Variants in NKAIN2 observed in about 807,000 individuals in gnomAD.
NKAIN2 encodes the protein sodium/potassium transporting ATPase interacting 2, also known as sodium/potassium-transporting ATPase subunit beta-1-interacting protein 2.
Under a neutral mutation model 32.6 loss-of-function variants are expected in NKAIN2, and 14 were observed. That is an observed-to-expected ratio of 0.43 (90% confidence interval 0.28 to 0.67). The LOEUF is 0.67. Ranked by LOEUF, NKAIN2 falls within the 30% of genes least tolerant of loss-of-function variation. The pLI is 0.17. For missense variants in NKAIN2, 198 were observed against 258.3 expected, an observed-to-expected ratio of 0.77 and a Z score of 1.60; for synonymous variants, 80 against 87.2, an observed-to-expected ratio of 0.92 and a Z score of 0.46.
At chr6:123,853,834 G>A (rs1371057048) in intron 1 of NKAIN2, among the ~76,000 whole-genome samples, 1 of 150,954 alleles carries the variant, frequency 6.6e-6, no homozygotes, top group Non-Finnish European at 1.5e-5. Context: ...GTGCAGTGGC[G>A]CTATCTCAGC....
rs1490292657 is a variant in NKAIN2, at chr6:124,708,766, C to T, written c.474+50380C>T. ...GAGACAATGGGGTTTTCTAGATATA[C>T]AATCATGTCGTCTGCAAACAGGGAC... On this transcript the variant is annotated intron_variant, in intron 4 of 6. Coordinates refer to ENST00000368417, the MANE Select transcript of NKAIN2 (RefSeq NM_001040214.3). Among the ~76,000 whole-genome samples, 6 of 151,698 alleles carry T rather than the reference C, an allele frequency of 4.0e-5. 1 individual carries two copies. The highest frequency in any genetic ancestry group is 5.9e-5 in the Non-Finnish European group (4 of 67,980).
chr6:124,628,186 C>T (rs770787690), intron 3 of NKAIN2, among the ~76,000 whole-genome samples: 5 of 152,076 alleles, frequency 3.3e-5, no homozygotes, highest in South Asian at 4.1e-4. Context: ...TAAATCTTTC[C>T]GTTCCTTTAG....
intron 3 of NKAIN2, among the ~76,000 whole-genome samples, chr6:124,513,142 C>T (rs929701992): frequency 1.3e-5 from 2 of 152,062 alleles, no homozygotes; most frequent in African/African-American, 2.4e-5. Flanking sequence ...TCATCAACAA[C>T]CAAAATATTA....
At chr6:124,787,402 C>G (rs1454391825) in intron 4 of NKAIN2, among the ~76,000 whole-genome samples, 1 of 152,052 alleles carries the variant, frequency 6.6e-6, no homozygotes, top group Non-Finnish European at 1.5e-5. Flanking sequence ...TCCAGCTTAG[C>G]AACTCAGGAC....
At chr6:123,869,211 G>T (rs1772738203) in intron 1 of NKAIN2, among the ~76,000 whole-genome samples, 1 of 152,114 alleles carries the variant, frequency 6.6e-6, no homozygotes, top group South Asian at 2.1e-4. Flanking sequence ...CCATAAAATA[G>T]GCCCACACTT....
chr6:123,910,499 G>GTTTTT lies in NKAIN2; in HGVS notation c.54+106264_54+106268dup, dbSNP rs35165515. ...TTTGAGGACATTACCTGCAATGCAT[G>GTTTTT]TTTTTTTTTTTTTTTTTTTTTTTGA... On this transcript the variant is annotated intron_variant, in intron 1 of 6. Transcript: ENST00000368417. 3.7e-3 allele frequency among the ~76,000 whole-genome samples: 299 copies of GTTTTT among 81,296 alleles called. 16 individuals are homozygous for GTTTTT. The highest frequency in any genetic ancestry group is 0.01 in the African/African-American group (206 of 19,918). 53.3% of individuals were successfully genotyped at this position (81,296 alleles called of 152,430 possible).
intron 6 of NKAIN2, 97 bp downstream of exon 6, chr6:124,818,565 G>C: frequency 1.9e-6 from 1 of 521,860 alleles, no homozygotes; most frequent in Non-Finnish European, 3.5e-6. Flanking sequence ...CTTTTGTTCA[G>C]TTATATTTTT....
chr6:123,945,914 C>G (rs954028109), intron 1 of NKAIN2, among the ~76,000 whole-genome samples: 2 of 152,138 alleles, frequency 1.3e-5, no homozygotes, highest in African/African-American at 2.4e-5. Flanking sequence ...CAATTTCACC[C>G]TTAAATTATT....
chr6:124,296,171 C>G (rs1380366109), intron 2 of NKAIN2, among the ~76,000 whole-genome samples: 3 of 152,088 alleles, frequency 2.0e-5, no homozygotes, highest in African/African-American at 7.2e-5. Context: ...ACTCAGCTTT[C>G]ACTTCTCCTT....
chr6:124,198,701 G>T (rs1402852626), intron 1 of NKAIN2, among the ~76,000 whole-genome samples: 1 of 151,926 alleles, frequency 6.6e-6, no homozygotes, highest in Non-Finnish European at 1.5e-5. Context: ...AGTATTTTGT[G>T]TGTGTTCCCC....
intron 3 of NKAIN2, among the ~76,000 whole-genome samples, chr6:124,509,230 TTTATC>T (rs1467909280): frequency 6.6e-6 from 1 of 152,106 alleles, no homozygotes; most frequent in Non-Finnish European, 1.5e-5. Context: ...TTGAGACAAT[TTTATC>T]TGATGATTAA....
At chr6:124,425,056 G>T (rs1774923875) in intron 3 of NKAIN2, among the ~76,000 whole-genome samples, 1 of 151,950 alleles carries the variant, frequency 6.6e-6, no homozygotes, top group Non-Finnish European at 1.5e-5. Context: ...TACATATATG[G>T]CCAGCTAATT....
chr6:124,505,455 C>T (rs1778439716), intron 3 of NKAIN2, among the ~76,000 whole-genome samples: 4 of 152,286 alleles, frequency 2.6e-5, no homozygotes, highest in Middle Eastern at 3.4e-3. Flanking sequence ...CCTCTTCCAT[C>T]AAATTTCCAT....
chr6:124,659,414 T>C (rs1221463352), intron 4 of NKAIN2, among the ~76,000 whole-genome samples: 2 of 151,442 alleles, frequency 1.3e-5, no homozygotes, highest in African/African-American at 4.8e-5. Flanking sequence ...TCTTCTGGAA[T>C]TAAAAAAAAA....
chr6:124,762,784 G>T (rs1429564815), intron 4 of NKAIN2, among the ~76,000 whole-genome samples: 3 of 152,164 alleles, frequency 2.0e-5, no homozygotes, highest in Non-Finnish European at 4.4e-5. Context: ...GAATTGATCT[G>T]GCTGGAATGT....
intron 1 of NKAIN2, among the ~76,000 whole-genome samples, chr6:124,230,990 G>A (rs1228505728): frequency 6.6e-6 from 1 of 152,196 alleles, no homozygotes; most frequent in Admixed American, 6.5e-5. Flanking sequence ...ATCTGGAAAA[G>A]ACACAGACAC....
intron 3 of NKAIN2, among the ~76,000 whole-genome samples, chr6:124,641,526 C>G (rs1230204628): frequency 3.1e-5 from 2 of 64,102 alleles, no homozygotes; most frequent in African/African-American, 1.1e-4. Flanking sequence ...TGTTAAAACA[C>G]TAGCTTTTTT....
chr6:124,046,828 A>G (rs920293302), intron 1 of NKAIN2, among the ~76,000 whole-genome samples: 1 of 151,998 alleles, frequency 6.6e-6, no homozygotes, highest in African/African-American at 2.4e-5. Context: ...AACACCATAG[A>G]ACTGGAGAAT....
chr6:124,790,045 C>T (rs1211410519), intron 4 of NKAIN2, among the ~76,000 whole-genome samples: 1 of 152,022 alleles, frequency 6.6e-6, no homozygotes, highest in African/African-American at 2.4e-5. Flanking sequence ...ACTCTGCCTC[C>T]CCAGTGTGGG....
Sources: allele counts gnomAD v4.1 joint callset (sites outside exome capture counted in the v4.1 genomes callset), GRCh38; gene constraint gnomAD v4.1.1; transcripts MANE v1.5; gene names NCBI Gene and HGNC (gene_info 2026-07-23, HGNC 2026-07-21).